The following RBFOX1 variants were observed in gnomAD, a reference collection of about 807,000 sequenced individuals.
RBFOX1 encodes the protein RNA binding protein fox-1 homolog 1.
In RBFOX1, 8 loss-of-function variants were observed where a neutral mutation model predicts 57.7. The ratio of observed to expected loss-of-function variants is 0.14; its 90% CI spans 0.08 to 0.25. The LOEUF (loss-of-function observed/expected upper bound fraction) is 0.25, where lower values mean the gene tolerates loss of function less well. Ranked by LOEUF, RBFOX1 falls within the 10% of genes least tolerant of loss-of-function variation. The pLI is 1.00. For missense variants in RBFOX1, 611 were observed against 548.5 expected, an observed-to-expected ratio of 1.11 and a Z score of -1.14; for synonymous variants, 326 against 222.4, an observed-to-expected ratio of 1.47 and a Z score of -4.15.
At chr16:7,676,943 G>C in intron 14 of RBFOX1, 105 bp downstream of exon 14, 2 of 1,182,084 alleles carry the variant, frequency 1.7e-6, no homozygotes, top group Non-Finnish European at 2.5e-6. Context: ...ACTGCTGGGG[G>C]AGGTAGCACC....
At chr16:5,937,667 A>G (rs936227525) in intron 4 of RBFOX1, among the ~76,000 whole-genome samples, 2 of 149,966 alleles carry the variant, frequency 1.3e-5, no homozygotes, top group Admixed American at 1.3e-4. Context: ...ATAGAACTTT[A>G]TAATATATAG....
intron 4 of RBFOX1, among the ~76,000 whole-genome samples, chr16:7,263,827 A>C (rs908371119): frequency 3.3e-5 from 5 of 151,586 alleles, no homozygotes; most frequent in Admixed American, 6.6e-5. Context: ...TTGAACCCAG[A>C]AGGCGGAGGT....
chr16:6,620,437 C>T (rs968281863), intron 2 of RBFOX1, among the ~76,000 whole-genome samples: 1 of 152,188 alleles, frequency 6.6e-6, no homozygotes. Flanking sequence ...ATTAAAAGAA[C>T]TGGAGAAACA....
chr16:6,301,854 T>G (rs1276624732), intron 1 of RBFOX1, among the ~76,000 whole-genome samples: 1 of 152,100 alleles, frequency 6.6e-6, no homozygotes, highest in Non-Finnish European at 1.5e-5. Flanking sequence ...TCGTGAAGCA[T>G]CAGATATGCA....
chr16:6,209,261 G>T (rs149850580), intron 1 of RBFOX1, among the ~76,000 whole-genome samples: 1 of 152,146 alleles, frequency 6.6e-6, no homozygotes, highest in Non-Finnish European at 1.5e-5. Flanking sequence ...GAGGGGCCAC[G>T]TTTTGTGGAA....
At chr16:6,923,257 G>A (rs2074880509) in intron 3 of RBFOX1, among the ~76,000 whole-genome samples, 1 of 152,180 alleles carries the variant, frequency 6.6e-6, no homozygotes, top group Non-Finnish European at 1.5e-5. Context: ...ATCCTGGCCA[G>A]GTGTGGTGGC....
intron 3 of RBFOX1, among the ~76,000 whole-genome samples, chr16:6,684,979 G>C (rs977275295): frequency 6.6e-6 from 1 of 152,090 alleles, no homozygotes; most frequent in African/African-American, 2.4e-5. Flanking sequence ...GGTTGTATTA[G>C]TAACATTTTA....
intron 1 of RBFOX1, among the ~76,000 whole-genome samples, chr16:5,312,800 G>T (rs74003866): frequency 1.9e-3 from 285 of 152,274 alleles, no homozygotes; most frequent in African/African-American, 6.5e-3. Context: ...CCTGTGTGAA[G>T]CTTCGTAAGA....
intron 4 of RBFOX1, among the ~76,000 whole-genome samples, chr16:5,894,602 A>G (rs574821504): frequency 2.6e-5 from 4 of 152,312 alleles, no homozygotes; most frequent in East Asian, 1.9e-4. Context: ...GGAGTAGACA[A>G]TTAAGAACAG....
intron 4 of RBFOX1, among the ~76,000 whole-genome samples, chr16:7,277,293 A>G (rs1364683407): frequency 1.3e-5 from 2 of 152,184 alleles, no homozygotes; most frequent in African/African-American, 2.4e-5. Context: ...ATGATATTCT[A>G]CTGCAATGCA....
chr16:5,267,953 C>T (rs1372454637), intron 1 of RBFOX1, among the ~76,000 whole-genome samples: 1 of 152,130 alleles, frequency 6.6e-6, no homozygotes, highest in Non-Finnish European at 1.5e-5. Context: ...GTGGCACACA[C>T]ATGTAGTCCC....
intron 4 of RBFOX1, among the ~76,000 whole-genome samples, chr16:7,063,081 C>G (rs2054985477): frequency 6.6e-6 from 1 of 151,896 alleles, no homozygotes; most frequent in African/African-American, 2.4e-5. Flanking sequence ...TGCAATGCCT[C>G]CCTGATGCCT....
chr16:7,601,815 T>G (rs2095040474), intron 9 of RBFOX1, among the ~76,000 whole-genome samples: 1 of 152,198 alleles, frequency 6.6e-6, no homozygotes, highest in African/African-American at 2.4e-5. Context: ...TACCGATGTT[T>G]CAAGAGAAAT....
intron 4 of RBFOX1, among the ~76,000 whole-genome samples, chr16:7,305,259 G>A (rs973584935): frequency 6.6e-6 from 1 of 151,930 alleles, no homozygotes; most frequent in African/African-American, 2.4e-5. Context: ...GTCTTTCTCA[G>A]GGTGTTTCCT....
chr16:7,240,471 T>C (rs987925231), intron 4 of RBFOX1, among the ~76,000 whole-genome samples: 7 of 152,186 alleles, frequency 4.6e-5, no homozygotes, highest in African/African-American at 1.7e-4. Context: ...ATGTTAAAGA[T>C]GAAGGAGGAG....
chr16:5,447,748 T>G (rs1039479463), intron 1 of RBFOX1, among the ~76,000 whole-genome samples: 2 of 152,194 alleles, frequency 1.3e-5, no homozygotes, highest in African/African-American at 2.4e-5. Flanking sequence ...TCTCAGCACG[T>G]GATGTTATCC....
chr16:7,706,438 C>G (rs753160930), intron 14 of RBFOX1, among the ~76,000 whole-genome samples: 1 of 152,072 alleles, frequency 6.6e-6, no homozygotes, highest in Non-Finnish European at 1.5e-5. Context: ...GAAACTATGC[C>G]CAGCGTTATA....
At chr16:6,677,807 G>A (rs948178241) in intron 3 of RBFOX1, among the ~76,000 whole-genome samples, 11 of 152,208 alleles carry the variant, frequency 7.2e-5, no homozygotes, top group African/African-American at 2.6e-4. Flanking sequence ...AACAATGGTG[G>A]CAGAGCTTTT....
At chr16:5,834,764 T>C (rs1448119791) in intron 3 of RBFOX1, among the ~76,000 whole-genome samples, 53 of 148,276 alleles carry the variant, frequency 3.6e-4, no homozygotes, top group African/African-American at 8.7e-4. Context: ...CATACATACA[T>C]ACATGCACAG....
Sources: gnomAD v4.1 joint callset for allele counts (sites outside exome capture counted in the v4.1 genomes callset) on GRCh38, gnomAD v4.1.1 for gene constraint, MANE v1.5 for transcripts, NCBI Gene and HGNC (gene_info 2026-07-23, HGNC 2026-07-21) for gene names.